VPS13C: variants seen among roughly 807,000 people sequenced by gnomAD.
VPS13C encodes intermembrane lipid transfer protein VPS13C.
In VPS13C, 358 loss-of-function variants were observed where a neutral mutation model predicts 456.8. That is an observed-to-expected ratio of 0.78 (90% CI 0.72 to 0.86). VPS13C has a LOEUF of 0.86. VPS13C is among the 40% of genes least tolerant of loss of function. VPS13C has a pLI of 0.00. For missense variants in VPS13C, 4,818 were observed against 4,385.4 expected, an observed-to-expected ratio of 1.10 and a Z score of -2.79; for synonymous variants, 1,578 against 1,486.7, an observed-to-expected ratio of 1.06 and a Z score of -1.41.
At position 61,853,090 on chromosome 15, in the gene VPS13C, C is replaced by T. The variant is rs1893730908; in HGVS notation, c.*1367G>A. The T allele has an allele frequency of 6.6e-6, 1 of 152,052 alleles. No individual in the cohort carries two copies. The highest frequency in any genetic ancestry group is 1.5e-5 in the Non-Finnish European group (1 of 67,992). 9.4% of individuals were successfully genotyped at this position (152,052 alleles called of 1,614,324 possible). A position where few individuals can be genotyped will look rare whatever the true frequency, so the allele number is the denominator to read the frequency against. On this transcript the variant is annotated 3_prime_UTR_variant, in exon 85 of 85. Transcript: ENST00000644861. ...TTTTTAAAGTTTTAATAGTTTATCTCTGATCAAGGATGGAGAAAGGACAAA... is the reference window on the plus strand; with the variant it reads ...TTTTTAAAGTTTTAATAGTTTATCTTTGATCAAGGATGGAGAAAGGACAAA...
intron 83 of VPS13C, 67 bp downstream of exon 83, chr15:61,856,219 T>C: frequency 6.4e-7 from 1 of 1,573,452 alleles, no homozygotes; most frequent in East Asian, 2.3e-5. Context: ...ATATTTTGTG[T>C]AGTTAACTGC....
chr15:62,021,733 G>C (rs1033364131), intron 8 of VPS13C, among the ~76,000 whole-genome samples: 1 of 151,816 alleles, frequency 6.6e-6, no homozygotes, highest in Non-Finnish European at 1.5e-5. Context: ...ATTAACATCA[G>C]ATATACAATG....
chr15:62,037,417 ATGT>A (rs1567137403), intron 3 of VPS13C, among the ~76,000 whole-genome samples: 1 of 94,792 alleles, frequency 1.1e-5, no homozygotes, highest in Non-Finnish European at 2.1e-5. Flanking sequence ...TATATATAAT[ATGT>A]TATATATAAA....
chr15:61,895,193 T>G (rs1244947732), intron 66 of VPS13C, among the ~76,000 whole-genome samples: 1 of 152,004 alleles, frequency 6.6e-6, no homozygotes, highest in Non-Finnish European at 1.5e-5. Flanking sequence ...TATCAAAATC[T>G]ACAGGATACA....
Position 62,010,551 on chromosome 15 carries a change from G to T in VPS13C, c.932C>A (p.Ala311Glu). ...TTTGGGCGTTTTGAGCTCTGATTCT[G>T]CATAAGGATTCATGTAGAGTTTTGC... ...ASAKLYMNPY[A>E]ESELKTPKLD... Residue 311 changes from alanine to glutamate, a missense_variant, in exon 13 of 85, where the codon GCA (alanine) becomes GAA (glutamate). Physicochemically the swap from Ala to Glu is moderately radical, Grantham distance 107. Transcript: ENST00000644861. 1 of 1,613,188 alleles carries T rather than the reference G, an allele frequency of 6.2e-7. No individual in the cohort carries two copies. Among genetic ancestry groups the T allele is most frequent in the Non-Finnish European group, 8.5e-7 (1 of 1,179,614 alleles).
chr15:61,915,525 A>G (rs1055371653), intron 61 of VPS13C, 108 bp downstream of exon 61: 2 of 1,189,560 alleles, frequency 1.7e-6, no homozygotes, highest in East Asian at 5.1e-5. Flanking sequence ...ATTCACACCA[A>G]TGGCATTTAG....
intron 71 of VPS13C, among the ~76,000 whole-genome samples, 166 bp from the exon 72 acceptor site, chr15:61,881,120 G>A (rs1400679726): frequency 6.6e-6 from 1 of 151,878 alleles, no homozygotes; most frequent in Non-Finnish European, 1.5e-5. Context: ...TTTTTCACTG[G>A]AGTGAAAGCT....
intron 24 of VPS13C, 119 bp from the exon 25 acceptor site, chr15:61,974,536 T>C: frequency 1.0e-6 from 1 of 996,462 alleles, no homozygotes; most frequent in Non-Finnish European, 1.4e-6. Flanking sequence ...TTAATCTAAT[T>C]ACACTAATGC....
chr15:61,971,680 C>T (rs1419035568), intron 27 of VPS13C, among the ~76,000 whole-genome samples: 1 of 152,158 alleles, frequency 6.6e-6, no homozygotes, highest in African/African-American at 2.4e-5. Context: ...GTGACTTAGA[C>T]AGTACAGTAG....
chr15:61,865,933 G>A (rs1038432875), intron 81 of VPS13C: 2 of 982,484 alleles, frequency 2.0e-6, no homozygotes, highest in Non-Finnish European at 2.4e-6. Flanking sequence ...GGAACATGAG[G>A]ATCAAAAGAT....
chr15:61,991,758 T>G lies in VPS13C; in HGVS notation c.1398A>C (p.Thr466=). The change falls in exon 17 of 85, where the codon ACA becomes ACC. Residue 466 remains threonine, a synonymous_variant. Coordinates refer to ENST00000644861, the MANE Select transcript of VPS13C (RefSeq NM_020821.3). The stretch of plus-strand genomic sequence containing the variant: ...TAAACCAGCCTCCACGTTTCTCGCC[T>G]GTGTCAGCAGACTTTTTCCTTAATT... ...GQKLRKKSAD[T]GEKRGGWFSG... The G allele has an allele frequency of 6.2e-7, 1 of 1,613,540 alleles. No individual in the cohort carries two copies. The highest frequency in any genetic ancestry group is 8.5e-7 in the Non-Finnish European group (1 of 1,179,706).
chr15:62,023,565 A>C, intron 7 of VPS13C, 45 bp from the exon 8 acceptor site: 1 of 1,401,912 alleles, frequency 7.1e-7, no homozygotes, highest in Non-Finnish European at 9.7e-7. Context: ...TGAAATTCTC[A>C]TATACCTCAA....
chr15:61,964,612 C>A, intron 31 of VPS13C, 87 bp downstream of exon 31: 2 of 1,265,668 alleles, frequency 1.6e-6, no homozygotes, highest in Non-Finnish European at 2.2e-6. Flanking sequence ...ATTTAAATGA[C>A]TGAGTCAGAT....
chr15:61,887,552 A>G (rs1371797765), intron 67 of VPS13C, among the ~76,000 whole-genome samples: 4 of 152,104 alleles, frequency 2.6e-5, no homozygotes, highest in Non-Finnish European at 4.4e-5. Context: ...TCAGCCTGGC[A>G]TGGTGGCACG....
At chr15:62,022,979 G>A (rs1020518135) in intron 8 of VPS13C, among the ~76,000 whole-genome samples, 4 of 151,890 alleles carry the variant, frequency 2.6e-5, no homozygotes, top group African/African-American at 9.7e-5. Context: ...ATCCAACTCA[G>A]TGGTATGTAA....
At chr15:61,981,749 G>A (rs2045895878) in intron 21 of VPS13C, among the ~76,000 whole-genome samples, 1 of 152,118 alleles carries the variant, frequency 6.6e-6, no homozygotes, top group African/African-American at 2.4e-5. Context: ...TGCAGCCCCA[G>A]CTACTTGGGA....
intron 2 of VPS13C, among the ~76,000 whole-genome samples, 181 bp from the exon 3 acceptor site, chr15:62,041,547 G>A (rs191457614): frequency 3.3e-5 from 5 of 152,178 alleles, no homozygotes; most frequent in African/African-American, 9.7e-5. Context: ...GCCTGGTGCA[G>A]TGGCTCACAC....
chr15:61,961,942 A>G (rs754912299), intron 34 of VPS13C, 49 bp from the exon 35 acceptor site: 1 of 1,533,800 alleles, frequency 6.5e-7, no homozygotes, highest in Admixed American at 2.1e-5. Flanking sequence ...ATACAGGCAC[A>G]TCAATAATAA....
At chr15:61,991,878 A>AT in intron 16 of VPS13C, 76 bp from the exon 17 acceptor site, 1 of 1,498,298 alleles carries the variant, frequency 6.7e-7, no homozygotes, top group Non-Finnish European at 9.0e-7. Flanking sequence ...GGGAAAAAAA[A>AT]ACAATGGTTC....
Sources: allele counts gnomAD v4.1 joint callset (sites outside exome capture counted in the v4.1 genomes callset), GRCh38; gene constraint gnomAD v4.1.1; transcripts MANE v1.5; gene names NCBI Gene and HGNC (gene_info 2026-07-23, HGNC 2026-07-21).